The following UBE3D variants were observed in gnomAD, a reference collection of about 807,000 sequenced individuals.
The protein encoded by UBE3D is E3 ubiquitin-protein ligase E3D.
UBE3D carries 48 observed loss-of-function variants against 49.6 expected under a neutral mutation model. The ratio of observed to expected loss-of-function variants is 0.97; its 90% CI spans 0.77 to 1.23. The LOEUF (loss-of-function observed/expected upper bound fraction) is 1.23. UBE3D is among the 50% of genes most tolerant of loss of function. UBE3D has a pLI of 0.00. For missense variants in UBE3D, 452 were observed against 468.4 expected (o/e 0.96, Z 0.32); for synonymous variants, 189 against 174.2 (o/e 1.08, Z -0.67).
intron 5 of UBE3D, chr6:83,032,213 C>A (rs1781927081): frequency 4.4e-6 from 2 of 456,152 alleles, no homozygotes; most frequent in Admixed American, 2.3e-5. Flanking sequence ...TCAACACCAG[C>A]CCATGAAAGA....
intron 9 of UBE3D, among the ~76,000 whole-genome samples, chr6:82,940,188 G>C (rs1774907949): frequency 6.6e-6 from 1 of 152,198 alleles, no homozygotes; most frequent in Non-Finnish European, 1.5e-5. Context: ...AAAAAGGAGA[G>C]TCCAAAATGA....
At chr6:82,910,169 C>G (rs1269345792) in intron 9 of UBE3D, among the ~76,000 whole-genome samples, 1 of 152,156 alleles carries the variant, frequency 6.6e-6, no homozygotes, top group Non-Finnish European at 1.5e-5. Context: ...ATGCCTCTTC[C>G]TGACGACACT....
rs567516936 is a variant in UBE3D, at chr6:83,023,747, G to A, written c.737+222C>T. On this transcript the variant is annotated intron_variant, in intron 6 of 9. Coordinates refer to ENST00000369747, the MANE Select transcript of UBE3D (RefSeq NM_198920.3). ...AGGACTTGGAGAAAAGGCAGGGGGA[G>A]GGGTAAGAGATAAAAGACTACACTT... Among the ~76,000 whole-genome samples the A allele has an allele frequency of 1.6e-4, 24 of 152,310 alleles. No homozygotes were observed. In the East Asian group the frequency reaches 4.6e-3, roughly 29 times the overall value.
intron 5 of UBE3D, among the ~76,000 whole-genome samples, chr6:83,032,016 C>T (rs1052288368): frequency 2.6e-5 from 4 of 152,176 alleles, no homozygotes; most frequent in East Asian, 3.9e-4. Context: ...GCTGCAGGGC[C>T]GCAGCCCTCA....
At chr6:82,914,606 G>A (rs1772775692) in intron 9 of UBE3D, among the ~76,000 whole-genome samples, 1 of 152,130 alleles carries the variant, frequency 6.6e-6, no homozygotes, top group East Asian at 1.9e-4. Flanking sequence ...TCCATTAGCT[G>A]AAGGAAAGGC....
chr6:83,038,135 C>A, intron 5 of UBE3D: 1 of 208,002 alleles, frequency 4.8e-6, no homozygotes, highest in Non-Finnish European at 9.4e-6. Context: ...GGCCCAAGAA[C>A]AAACTTTATA....
At chr6:82,979,523 T>C (rs1038527939) in intron 8 of UBE3D, among the ~76,000 whole-genome samples, 2 of 152,156 alleles carry the variant, frequency 1.3e-5, no homozygotes, top group African/African-American at 4.8e-5. Flanking sequence ...CTTCAGAAAA[T>C]ATCCAACAAC....
intron 2 of UBE3D, among the ~76,000 whole-genome samples, chr6:83,055,623 G>A (rs947140475): frequency 1.3e-5 from 2 of 152,188 alleles, no homozygotes; most frequent in African/African-American, 4.8e-5. Context: ...GAGGAATCCT[G>A]GGAGAGCGTT....
intron 3 of UBE3D, among the ~76,000 whole-genome samples, chr6:83,052,886 A>C (rs1783564175): frequency 6.6e-6 from 1 of 152,256 alleles, no homozygotes; most frequent in Non-Finnish European, 1.5e-5. Context: ...TCAATGGATG[A>C]GGAGTTGGCA....
At chr6:82,982,352 A>G (rs1778171204) in intron 8 of UBE3D, among the ~76,000 whole-genome samples, 1 of 152,208 alleles carries the variant, frequency 6.6e-6, no homozygotes, top group African/African-American at 2.4e-5. Context: ...AAATGTTCAC[A>G]TGTCCTCAAC....
intron 8 of UBE3D, among the ~76,000 whole-genome samples, chr6:82,967,702 C>A (rs558760130): frequency 1.5e-4 from 23 of 151,906 alleles, no homozygotes; most frequent in African/African-American, 4.8e-4. Context: ...AGTGCAGTGG[C>A]GTGATCATAG....
At chr6:82,944,622 T>C (rs1417698860) in intron 9 of UBE3D, among the ~76,000 whole-genome samples, 1 of 152,214 alleles carries the variant, frequency 6.6e-6, no homozygotes, top group Non-Finnish European at 1.5e-5. Context: ...CTTTAGGTAC[T>C]AGCTTGGTCA....
At chr6:83,000,216 C>G (rs1388195409) in intron 8 of UBE3D, among the ~76,000 whole-genome samples, 1 of 152,158 alleles carries the variant, frequency 6.6e-6, no homozygotes, top group Non-Finnish European at 1.5e-5. Context: ...TTTACAAATC[C>G]AGCCCCAACC....
chr6:82,944,080 G>T (rs1329106496), intron 9 of UBE3D, among the ~76,000 whole-genome samples: 1 of 151,820 alleles, frequency 6.6e-6, no homozygotes, highest in Non-Finnish European at 1.5e-5. Flanking sequence ...TGCTGAGCTG[G>T]GCTTGGAGCA....
At chr6:82,969,892 T>C (rs1777222585) in intron 8 of UBE3D, among the ~76,000 whole-genome samples, 1 of 151,752 alleles carries the variant, frequency 6.6e-6, no homozygotes, top group African/African-American at 2.4e-5. Flanking sequence ...AGTAGGCATA[T>C]TTGCTTTCCA....
rs971826897 is a variant in UBE3D, at chr6:82,976,879, C to T, written c.1011-19429G>A. ...CCTGTAATCCCAGCACTTTGGGAGG[C>T]CGAGGCGGGCAGATCATGAGGTCAG... On this transcript the variant is annotated intron_variant, in intron 8 of 9. Transcript: ENST00000369747. 3.3e-5 allele frequency among the ~76,000 whole-genome samples: 5 copies of T among 152,068 alleles called. No individual in the cohort carries two copies. In the East Asian group the frequency reaches 7.8e-4, roughly 24 times the overall value.
At chr6:83,025,435 GATTT>G (rs1050247470) in intron 5 of UBE3D, among the ~76,000 whole-genome samples, 1 of 11,172 alleles carries the variant, frequency 9.0e-5, no homozygotes, top group African/African-American at 1.2e-4. Flanking sequence ...ATCAAAATAA[GATTT>G]TTTTTTTTTG....
intron 8 of UBE3D, among the ~76,000 whole-genome samples, chr6:82,975,977 T>A (rs1777690148): frequency 6.6e-6 from 1 of 152,154 alleles, no homozygotes; most frequent in Non-Finnish European, 1.5e-5. Context: ...CAAGAGAAGA[T>A]TATTAAGAGA....
chr6:82,983,865 A>G (rs965655285), intron 8 of UBE3D, among the ~76,000 whole-genome samples: 14 of 152,144 alleles, frequency 9.2e-5, no homozygotes, highest in African/African-American at 3.4e-4. Flanking sequence ...CTGTGTTTTA[A>G]AGTCTCTTGG....
Sources: allele counts gnomAD v4.1 joint callset (sites outside exome capture counted in the v4.1 genomes callset), GRCh38; gene constraint gnomAD v4.1.1; transcripts MANE v1.5; gene names NCBI Gene and HGNC (gene_info 2026-07-23, HGNC 2026-07-21).